The following GRM8 variants were observed in gnomAD, a reference collection of about 807,000 sequenced individuals.
GRM8 encodes the protein metabotropic glutamate receptor 8.
Under a neutral mutation model 87.2 loss-of-function variants are expected in GRM8, and 47 were observed. That is an observed-to-expected ratio of 0.54 (90% CI 0.43 to 0.69). The LOEUF is 0.69. GRM8 is among the 30% of genes least tolerant of loss of function. The pLI is 0.00. For missense variants in GRM8, 1,019 were observed against 1,139.2 expected (o/e 0.89, Z 1.52); for synonymous variants, 396 against 404.5 (o/e 0.98, Z 0.25).
intron 3 of GRM8, among the ~76,000 whole-genome samples, chr7:126,993,265 A>T (rs1401979019): frequency 6.6e-6 from 1 of 152,206 alleles, no homozygotes; most frequent in Non-Finnish European, 1.5e-5. Flanking sequence ...AATAGGCAAA[A>T]GTTAAAAACA....
intron 7 of GRM8, among the ~76,000 whole-genome samples, chr7:126,708,334 T>C (rs1386729099): frequency 6.6e-6 from 1 of 151,862 alleles, no homozygotes; most frequent in Non-Finnish European, 1.5e-5. Flanking sequence ...TCTCAAAAAA[T>C]TAAAAATAGA....
chr7:127,081,516 G>A (rs1391187171), intron 3 of GRM8, among the ~76,000 whole-genome samples: 1 of 152,152 alleles, frequency 6.6e-6, no homozygotes, highest in East Asian at 1.9e-4. Flanking sequence ...TGCTGTAATT[G>A]GGTGAGTTAA....
In GRM8 at chr7:126,994,313, C is replaced by T. The variant is rs17869590; in HGVS notation, c.728-89630G>A. 8.6e-3 allele frequency among the ~76,000 whole-genome samples: 1,310 copies of T among 152,250 alleles called. 26 individuals are homozygous for T. Among genetic ancestry groups the T allele is most frequent in the African/African-American group, 0.03 (1,241 of 41,550 alleles). ...CATCACCTTCTGACTAAAGAGCCCC[C>T]GAACCCTGAATCACCAACAGCAATA... is the stretch of plus-strand genomic sequence containing the variant. On this transcript the variant is annotated intron_variant, in intron 3 of 10. Coordinates refer to ENST00000339582, the MANE Select transcript of GRM8 (RefSeq NM_000845.3).
chr7:126,795,317 G>T (rs1198965947), intron 6 of GRM8, among the ~76,000 whole-genome samples: 1 of 152,084 alleles, frequency 6.6e-6, no homozygotes, highest in Non-Finnish European at 1.5e-5. Context: ...ACCCATCACA[G>T]CTCCACTATC....
intron 3 of GRM8, among the ~76,000 whole-genome samples, chr7:127,099,245 G>A (rs757314056): frequency 6.6e-6 from 1 of 152,162 alleles, no homozygotes; most frequent in Non-Finnish European, 1.5e-5. Flanking sequence ...AGAGGACTGT[G>A]GATCTAATAG....
intron 3 of GRM8, among the ~76,000 whole-genome samples, chr7:126,915,406 T>C (rs1003682987): frequency 3.2e-4 from 48 of 152,216 alleles, no homozygotes; most frequent in Admixed American, 1.2e-3. Context: ...GAAACAGTGA[T>C]TGTCTTTCAT....
At chr7:127,022,165 T>C (rs947032007) in intron 3 of GRM8, among the ~76,000 whole-genome samples, 1 of 150,084 alleles carries the variant, frequency 6.7e-6, no homozygotes, top group African/African-American at 2.5e-5. Flanking sequence ...GAACTGATAA[T>C]GTTTCTTTTT....
intron 7 of GRM8, among the ~76,000 whole-genome samples, chr7:126,620,312 G>C (rs1338188030): frequency 6.6e-6 from 1 of 152,184 alleles, no homozygotes; most frequent in Non-Finnish European, 1.5e-5. Context: ...CCATCCACAT[G>C]TGCTAGTGCA....
chr7:127,241,924 TA>T (rs547399996), intron 2 of GRM8, among the ~76,000 whole-genome samples: 53 of 152,288 alleles, frequency 3.5e-4, no homozygotes, highest in African/African-American at 1.3e-3. Context: ...GAGTTAACAA[TA>T]ACTTTATTTT....
At chr7:126,888,065 G>T (rs1467789010) in intron 6 of GRM8, among the ~76,000 whole-genome samples, 1 of 152,098 alleles carries the variant, frequency 6.6e-6, no homozygotes, top group African/African-American at 2.4e-5. Context: ...TTGTTTTTCT[G>T]CTACTTTGGA....
chr7:127,040,371 C>T (rs1172031910), intron 3 of GRM8, among the ~76,000 whole-genome samples: 1 of 152,110 alleles, frequency 6.6e-6, no homozygotes, highest in Non-Finnish European at 1.5e-5. Context: ...GTGGACAGTG[C>T]CCAGCAAGGA....
intron 7 of GRM8, among the ~76,000 whole-genome samples, chr7:126,677,856 TAAAAC>T: frequency 1.3e-5 from 2 of 152,274 alleles, no homozygotes; most frequent in Non-Finnish European, 2.9e-5. Flanking sequence ...AATAACAAAT[TAAAAC>T]AAACTAACTG....
chr7:126,861,765 T>A (rs976583984), intron 6 of GRM8, among the ~76,000 whole-genome samples: 6 of 152,186 alleles, frequency 3.9e-5, no homozygotes, highest in South Asian at 4.1e-4. Flanking sequence ...CATTTCTTAC[T>A]AATTCGTTGG....
intron 3 of GRM8, among the ~76,000 whole-genome samples, chr7:127,035,840 CT>C (rs1170804872): frequency 6.6e-6 from 1 of 152,122 alleles, no homozygotes; most frequent in Non-Finnish European, 1.5e-5. Context: ...TCTCAGATGG[CT>C]TTTTTCACTC....
At chr7:126,680,157 T>C (rs141953545) in intron 7 of GRM8, among the ~76,000 whole-genome samples, 25 of 152,260 alleles carry the variant, frequency 1.6e-4, no homozygotes, top group African/African-American at 5.8e-4. Context: ...GAGTGGCATA[T>C]CTCTGCTATG....
chr7:127,033,694 T>C lies in GRM8; in HGVS notation c.727+72802A>G, dbSNP rs73720611. On this transcript the variant is annotated intron_variant, in intron 3 of 10. Coordinates refer to ENST00000339582, the MANE Select transcript of GRM8 (RefSeq NM_000845.3). The stretch of plus-strand genomic sequence containing the variant: ...TCTATTGATTATGCAGAACACTATA[T>C]ACACTTCTCCCACAAACCTTTAGAT... 6.2e-3 allele frequency among the ~76,000 whole-genome samples: 947 copies of C among 152,270 alleles called. 8 individuals are homozygous for C. The highest frequency in any genetic ancestry group is 0.02 in the African/African-American group (839 of 41,566).
chr7:126,952,334 T>G (rs977625461), intron 3 of GRM8, among the ~76,000 whole-genome samples: 2 of 152,030 alleles, frequency 1.3e-5, no homozygotes, highest in African/African-American at 4.8e-5. Context: ...AAGACAGCTC[T>G]TCCATGGCTG....
At chr7:126,939,485 A>G (rs1806677746) in intron 3 of GRM8, among the ~76,000 whole-genome samples, 1 of 152,204 alleles carries the variant, frequency 6.6e-6, no homozygotes, top group African/African-American at 2.4e-5. Context: ...TAAATGAGAA[A>G]ATTCAAGCAC....
intron 6 of GRM8, among the ~76,000 whole-genome samples, chr7:126,780,767 C>T (rs917595803): frequency 6.6e-6 from 1 of 152,054 alleles, no homozygotes; most frequent in African/African-American, 2.4e-5. Context: ...TGCAAATGAC[C>T]GGGAGTCTAT....
Sources: allele counts gnomAD v4.1 joint callset (sites outside exome capture counted in the v4.1 genomes callset), GRCh38; gene constraint gnomAD v4.1.1; transcripts MANE v1.5; gene names NCBI Gene and HGNC (gene_info 2026-07-23, HGNC 2026-07-21).